The following LYPD6B variants were observed in gnomAD, a reference collection of about 807,000 sequenced individuals.
LYPD6B encodes LY6/PLAUR domain containing 6B.
In LYPD6B, 17 loss-of-function variants were observed where a neutral mutation model predicts 22.8. The ratio of observed to expected loss-of-function variants is 0.75; its 90% CI spans 0.51 to 1.12. LYPD6B has a LOEUF of 1.12. Among genes scored for constraint, LYPD6B ranks in the 50% most tolerant of loss-of-function variants. LYPD6B has a pLI of 0.00. For missense variants in LYPD6B, 221 were observed against 258.3 expected (o/e 0.86, Z 0.99); for synonymous variants, 106 against 91.6 (o/e 1.16, Z -0.90).
intron 1 of LYPD6B, among the ~76,000 whole-genome samples, chr2:149,042,102 T>G (rs1683112993): frequency 6.6e-6 from 1 of 152,360 alleles, no homozygotes; most frequent in African/African-American, 2.4e-5. Context: ...GTTTCAGTAT[T>G]GTTAACTGTC....
At chr2:149,072,466 A>G (rs1684654784) in intron 1 of LYPD6B, among the ~76,000 whole-genome samples, 1 of 142,468 alleles carries the variant, frequency 7.0e-6, no homozygotes, top group Non-Finnish European at 1.6e-5. Flanking sequence ...GGAAAGGGAG[A>G]ATGCTAGGGT....
intron 1 of LYPD6B, among the ~76,000 whole-genome samples, chr2:149,107,481 G>A (rs1686535815): frequency 6.6e-6 from 1 of 152,320 alleles, no homozygotes; most frequent in African/African-American, 2.4e-5. Context: ...CTGAGGATAA[G>A]GGGGGACTAC....
chr2:149,062,996 C>T lies in LYPD6B; in HGVS notation c.-67+24195C>T, dbSNP rs185190295. On this transcript the variant is annotated intron_variant, in intron 1 of 6. Transcript: ENST00000409642. ...GAAGGAGCTGCAAGGTTCACCAAGT[C>T]CCTCCTTCCCTTTCTCCCTCTCTCT... 1.3e-4 allele frequency among the ~76,000 whole-genome samples: 19 copies of T among 151,420 alleles called. No homozygotes were observed. The East Asian group carries it at 2.7e-3, about 22-fold the overall frequency.
At chr2:149,074,800 A>G (rs142570643) in intron 1 of LYPD6B, among the ~76,000 whole-genome samples, 23 of 140,790 alleles carry the variant, frequency 1.6e-4, no homozygotes, top group African/African-American at 3.3e-4. Context: ...AAATGCTTTA[A>G]AAGTTTAAAA....
At chr2:149,104,805 T>C (rs1686391658) in intron 1 of LYPD6B, among the ~76,000 whole-genome samples, 3 of 152,178 alleles carry the variant, frequency 2.0e-5, no homozygotes, top group Admixed American at 2.0e-4. Context: ...ATAAAGATTT[T>C]CTCCTATATT....
At chr2:149,154,622 G>GAT (rs1689581385) in intron 2 of LYPD6B, among the ~76,000 whole-genome samples, 1 of 143,416 alleles carries the variant, frequency 7.0e-6, no homozygotes, top group African/African-American at 2.5e-5. Flanking sequence ...TGAAAAGATA[G>GAT]ATATTCATTG....
At chr2:149,081,708 T>TC in intron 1 of LYPD6B, among the ~76,000 whole-genome samples, 1 of 152,298 alleles carries the variant, frequency 6.6e-6, no homozygotes, top group South Asian at 2.1e-4. Context: ...CCCTACACCC[T>TC]CCTCACTATT....
At chr2:149,135,776 A>C (rs1039654804) in intron 2 of LYPD6B, among the ~76,000 whole-genome samples, 3 of 144,192 alleles carry the variant, frequency 2.1e-5, no homozygotes, top group Non-Finnish European at 3.0e-5. Flanking sequence ...ATTTCTGTGG[A>C]GGTCTAAAAT....
Position 149,139,250 on chromosome 2 carries a change from C to A in LYPD6B, c.5+8297C>A, listed in dbSNP as rs541829529. On this transcript the variant is annotated intron_variant, in intron 2 of 6. Coordinates refer to ENST00000409642, the MANE Select transcript of LYPD6B (RefSeq NM_177964.5). ...AGCATGGCTTTTCCATGAAACATAA[C>A]CCGTTCTCCACTCAGCTTATTAGCA... Among the ~76,000 whole-genome samples the A allele has an allele frequency of 2.0e-5, 3 of 152,296 alleles. No individual in the cohort carries two copies. The South Asian group carries it at 6.2e-4, about 32-fold the overall frequency.
intron 3 of LYPD6B, among the ~76,000 whole-genome samples, chr2:149,170,078 C>G (rs1429048755): frequency 2.6e-5 from 4 of 152,172 alleles, no homozygotes; most frequent in Non-Finnish European, 5.9e-5. Flanking sequence ...AGCCATGTCT[C>G]TATTTGAAAA....
Position 149,131,363 on chromosome 2 carries a change from A to G in LYPD6B, c.5+410A>G, listed in dbSNP as rs534695706. The G allele has an allele frequency of 3.1e-4, 51 of 165,906 alleles. 2 individuals carry two copies. The South Asian group carries it at 8.7e-3, about 28-fold the overall frequency. The allele number at this position is 165,906 out of a possible 1,614,324, so 10.3% of individuals were successfully genotyped here. ...GAAGATAAGCAGCAATTTTTTGATT[A>G]TTTTATTTTCCTATGGATTGCCAAT... On this transcript the variant is annotated intron_variant, in intron 2 of 6. Transcript: ENST00000409642.
intron 1 of LYPD6B, among the ~76,000 whole-genome samples, chr2:149,116,042 T>A (rs1438044999): frequency 6.6e-6 from 1 of 152,228 alleles, no homozygotes; most frequent in African/African-American, 2.4e-5. Context: ...TAACATTATG[T>A]CACAAAGCCT....
At chr2:149,203,131 A>C (rs985849711) in intron 3 of LYPD6B, among the ~76,000 whole-genome samples, 2 of 152,168 alleles carry the variant, frequency 1.3e-5, no homozygotes, top group African/African-American at 2.4e-5. Context: ...TGGGTCATTC[A>C]GTCCTCACTC....
intron 2 of LYPD6B, 66 bp downstream of exon 2, chr2:149,131,019 A>G: frequency 8.8e-7 from 1 of 1,140,784 alleles, no homozygotes; most frequent in Non-Finnish European, 1.3e-6. Context: ...TGCTTACCAC[A>G]TGAGCTACTC....
intron 3 of LYPD6B, among the ~76,000 whole-genome samples, chr2:149,162,784 A>C (rs764683200): frequency 6.6e-6 from 1 of 152,078 alleles, no homozygotes; most frequent in Non-Finnish European, 1.5e-5. Flanking sequence ...TAAGTTTTGA[A>C]CTTTAAACGT....
chr2:149,155,741 GC>G, intron 2 of LYPD6B, among the ~76,000 whole-genome samples: 1 of 152,160 alleles, frequency 6.6e-6, no homozygotes, highest in South Asian at 2.1e-4. Flanking sequence ...TCCCCTTTGA[GC>G]CACAGGATTG....
At chr2:149,095,835 A>C (rs998287150) in intron 1 of LYPD6B, among the ~76,000 whole-genome samples, 5 of 152,074 alleles carry the variant, frequency 3.3e-5, no homozygotes, top group African/African-American at 1.2e-4. Flanking sequence ...GAGACAAGAG[A>C]GACAGGAGAC....
intron 3 of LYPD6B, among the ~76,000 whole-genome samples, chr2:149,182,288 TTTTTGGGTCGAAGAG>T (rs1197114351): frequency 3.3e-5 from 5 of 152,200 alleles, no homozygotes; most frequent in Admixed American, 2.0e-4. Flanking sequence ...CATCATCAGT[TTTTTGGGTCGAAGAG>T]TTTTCATATA....
rs867611247 is a variant in LYPD6B at position 149,097,170 on chromosome 2, C to T, written c.-66-33713C>T. 2.6e-5 allele frequency among the ~76,000 whole-genome samples: 4 copies of T among 152,370 alleles called. No homozygotes were observed. In the East Asian group the frequency reaches 5.8e-4, roughly 22 times the overall value. On this transcript the variant is annotated intron_variant, in intron 1 of 6. Transcript: ENST00000409642. Reference sequence around the variant, plus strand: ...TGGCACCATGTGCCACTGTCTTCTGCGCCTGCCCTGCACCGCCACCCCTGC... The same window carrying T: ...TGGCACCATGTGCCACTGTCTTCTGTGCCTGCCCTGCACCGCCACCCCTGC...
Sources: gnomAD v4.1 joint callset for allele counts (sites outside exome capture counted in the v4.1 genomes callset) on GRCh38, gnomAD v4.1.1 for gene constraint, MANE v1.5 for transcripts, NCBI Gene and HGNC (gene_info 2026-07-23, HGNC 2026-07-21) for gene names.